The following CREB5 variants were observed in gnomAD, a reference collection of about 807,000 sequenced individuals.
CREB5 encodes cAMP responsive element binding protein 5.
Under a neutral mutation model 57.1 loss-of-function variants are expected in CREB5, and 19 were observed. The observed-to-expected ratio is 0.33, with a 90% CI of 0.23 to 0.49. The LOEUF is 0.49. Among genes scored for constraint, CREB5 ranks in the 20% least tolerant of loss-of-function variants. The probability of loss-of-function intolerance (pLI) is 0.99; values close to 1 mark genes in which losing one functional copy is unlikely to be tolerated. For synonymous variants in CREB5, 238 were observed against 238.3 expected, an observed-to-expected ratio of 1.00 and a Z score of 0.01; for missense variants, 579 against 671.6, an observed-to-expected ratio of 0.86 and a Z score of 1.52.
chr7:28,332,289 G>A (rs1173892123), intron 1 of CREB5, among the ~76,000 whole-genome samples: 1 of 152,172 alleles, frequency 6.6e-6, no homozygotes, highest in Non-Finnish European at 1.5e-5. Flanking sequence ...AGAACCGTGA[G>A]ATAATGCATT....
At chr7:28,474,392 CTG>C (rs896151618) in intron 1 of CREB5, among the ~76,000 whole-genome samples, 2 of 152,156 alleles carry the variant, frequency 1.3e-5, no homozygotes, top group South Asian at 2.1e-4. Context: ...CCCCGTGGGG[CTG>C]TGTTTTGTAG....
At chr7:28,773,844 A>G (rs1806473583) in intron 7 of CREB5, among the ~76,000 whole-genome samples, 1 of 152,230 alleles carries the variant, frequency 6.6e-6, no homozygotes, top group South Asian at 2.1e-4. Context: ...TAGTGAGGAA[A>G]GTTGGCCAGT....
intron 5 of CREB5, among the ~76,000 whole-genome samples, chr7:28,578,383 A>G (rs1795986834): frequency 6.6e-6 from 1 of 152,222 alleles, no homozygotes; most frequent in Non-Finnish European, 1.5e-5. Flanking sequence ...CCATTTATTG[A>G]AGAATATCAA....
intron 7 of CREB5, among the ~76,000 whole-genome samples, chr7:28,784,490 T>G (rs886183221): frequency 4.1e-4 from 60 of 146,796 alleles, no homozygotes; most frequent in African/African-American, 1.5e-3. Flanking sequence ...TGCTTAGCTA[T>G]AGGATTTTTT....
At chr7:28,720,552 G>C (rs1013176568) in intron 6 of CREB5, among the ~76,000 whole-genome samples, 6 of 152,168 alleles carry the variant, frequency 3.9e-5, no homozygotes, top group African/African-American at 1.4e-4. Flanking sequence ...ATAGGCAGGG[G>C]AACGGCGAAG....
intron 4 of CREB5, among the ~76,000 whole-genome samples, chr7:28,548,611 G>A (rs909878866): frequency 5.1e-4 from 78 of 152,134 alleles, no homozygotes; most frequent in Non-Finnish European, 7.8e-4. Context: ...CCAAAATTCA[G>A]AGCATAGAAA....
At chr7:28,745,913 T>C (rs543031584) in intron 7 of CREB5, among the ~76,000 whole-genome samples, 5 of 152,322 alleles carry the variant, frequency 3.3e-5, no homozygotes, top group Admixed American at 3.3e-4. Context: ...GGCTCCCTGC[T>C]TTTGCCTAAG....
intron 4 of CREB5, among the ~76,000 whole-genome samples, chr7:28,542,939 T>A (rs759030842): frequency 2.0e-5 from 3 of 152,210 alleles, no homozygotes; most frequent in Non-Finnish European, 4.4e-5. Flanking sequence ...ACCCTGATTT[T>A]GGGTCTTTGT....
At chr7:28,617,176 A>G (rs1261288161) in intron 5 of CREB5, among the ~76,000 whole-genome samples, 1 of 152,248 alleles carries the variant, frequency 6.6e-6, no homozygotes, top group Non-Finnish European at 1.5e-5. Flanking sequence ...GGAGTATTTA[A>G]CAACATCCCT....
At chr7:28,579,589 A>G (rs1288523213) in intron 5 of CREB5, among the ~76,000 whole-genome samples, 1 of 152,248 alleles carries the variant, frequency 6.6e-6, no homozygotes, top group African/African-American at 2.4e-5. Flanking sequence ...AACTTTGCAG[A>G]GAACAGATGG....
At chr7:28,373,904 CATAT>C (rs10585117) in intron 1 of CREB5, among the ~76,000 whole-genome samples, 15 of 146,192 alleles carry the variant, frequency 1.0e-4, no homozygotes, top group African/African-American at 2.7e-4. Context: ...TTTCTGCATC[CATAT>C]ATATATATAT....
intron 1 of CREB5, among the ~76,000 whole-genome samples, chr7:28,474,930 C>A (rs190503608): frequency 3.9e-5 from 6 of 152,264 alleles, no homozygotes; most frequent in Admixed American, 3.9e-4. Context: ...AAACGCCTGA[C>A]ACATAGGATG....
intron 7 of CREB5, among the ~76,000 whole-genome samples, chr7:28,733,963 A>C (rs1193602377): frequency 6.6e-6 from 1 of 152,158 alleles, no homozygotes; most frequent in Non-Finnish European, 1.5e-5. Context: ...TCAAGGACCC[A>C]TGATAAGTAG....
chr7:28,536,767 A>G (rs549149507), intron 4 of CREB5, among the ~76,000 whole-genome samples: 64 of 152,312 alleles, frequency 4.2e-4, no homozygotes, highest in African/African-American at 1.5e-3. Context: ...TATAGTCACA[A>G]TCTTATTTAG....
chr7:28,329,833 C>A (rs1785680496), intron 1 of CREB5, among the ~76,000 whole-genome samples: 1 of 152,254 alleles, frequency 6.6e-6, no homozygotes, highest in African/African-American at 2.4e-5. Context: ...GTTCTCACAA[C>A]TTTAGCTGTG....
chr7:28,331,700 T>C (rs1165798481), intron 1 of CREB5, among the ~76,000 whole-genome samples: 1 of 152,062 alleles, frequency 6.6e-6, no homozygotes, highest in African/African-American at 2.4e-5. Context: ...AATAAAAAAA[T>C]TAGCTGGGTG....
chr7:28,603,542 T>G (rs1157512187), intron 5 of CREB5, among the ~76,000 whole-genome samples: 4 of 152,200 alleles, frequency 2.6e-5, no homozygotes, highest in Non-Finnish European at 5.9e-5. Flanking sequence ...TGAATACATT[T>G]AGCAGGCTGT....
At chr7:28,371,225 C>T (rs1268990615) in intron 1 of CREB5, among the ~76,000 whole-genome samples, 1 of 151,974 alleles carries the variant, frequency 6.6e-6, no homozygotes, top group African/African-American at 2.4e-5. Flanking sequence ...AATCCCAGCA[C>T]TTTGGGAGGC....
chr7:28,551,844 T>TC (rs77934428), intron 4 of CREB5, among the ~76,000 whole-genome samples: 3 of 144,926 alleles, frequency 2.1e-5, no homozygotes, highest in Non-Finnish European at 4.5e-5. Context: ...TTTCTTTCTT[T>TC]TTCTTTCTTT....
Sources: allele counts gnomAD v4.1 joint callset (sites outside exome capture counted in the v4.1 genomes callset), GRCh38; gene constraint gnomAD v4.1.1; transcripts MANE v1.5; gene names NCBI Gene and HGNC (gene_info 2026-07-23, HGNC 2026-07-21).